CUBN: variants seen among roughly 807,000 people sequenced by gnomAD.
CUBN encodes 460 kDa receptor.
Under a neutral mutation model 405.3 loss-of-function variants are expected in CUBN, and 282 were observed. That is an observed-to-expected ratio of 0.70 (90% CI 0.63 to 0.77). The LOEUF is 0.77. Ranked by LOEUF, CUBN falls within the 30% of genes least tolerant of loss-of-function variation. The pLI, the probability that CUBN is intolerant of heterozygous loss-of-function variation, is 0.00. For synonymous variants in CUBN, 1,684 were observed against 1,617.0 expected (o/e 1.04, Z -0.99); for missense variants, 4,514 against 4,475.2 (o/e 1.01, Z -0.25).
Position 16,846,822 on chromosome 10 carries a change from AAAAG to A in CUBN, c.9663+4409_9663+4412del, listed in dbSNP as rs1479245293. On this transcript the variant is annotated intron_variant, in intron 60 of 66. Coordinates refer to ENST00000377833, the MANE Select transcript of CUBN (RefSeq NM_001081.4). The stretch of plus-strand genomic sequence containing the variant: ...ATAGAAACTCTGTCTCAAAAAAAAA[AAAAG>A]AAAAGAAAAAGAAAAAGAAAAGGGG... Among the ~76,000 whole-genome samples, 5 of 106,442 alleles carry A rather than the reference AAAAG, an allele frequency of 4.7e-5. No homozygotes were observed. The East Asian group carries it at 6.5e-4, about 14-fold the overall frequency. The allele number at this position is 106,442 out of a possible 152,430, so 69.8% of individuals were successfully genotyped here.
chr10:16,954,678 TA>T, intron 31 of CUBN, 130 bp from the exon 32 acceptor site: 1 of 1,003,612 alleles, frequency 1.0e-6, no homozygotes, highest in South Asian at 1.4e-5. Context: ...AAACTGGCTT[TA>T]TTGTCCTTTC....
intron 28 of CUBN, among the ~76,000 whole-genome samples, chr10:17,014,512 CTT>C (rs1298823355): frequency 6.6e-6 from 1 of 152,150 alleles, no homozygotes; most frequent in Non-Finnish European, 1.5e-5. Context: ...GTTTTAATGT[CTT>C]AGGGTGAGCA....
intron 47 of CUBN, among the ~76,000 whole-genome samples, chr10:16,914,416 G>C (rs143911347): frequency 6.6e-6 from 1 of 151,930 alleles, no homozygotes; most frequent in South Asian, 2.1e-4. Flanking sequence ...AAAATTAGCC[G>C]GGCGTCGTGG....
In CUBN at chr10:17,084,360, T is replaced by G. The variant is rs1323373786; in HGVS notation, c.2212A>C (p.Met738Leu). The change falls in exon 17 of 67, where the codon ATG becomes CTG. Residue 738 changes from methionine to leucine, a missense_variant. Met to Leu is a conservative substitution (Grantham distance 15). Transcript: ENST00000377833. ...ATTTGTTCTCCCTGGGGCTGCTTCA[T>G]CATATAGACGCATTGCCTGGTGTGA... ...FTHTRQCVYM[M>L]KQPQGEQIQI... 1 of 1,614,186 alleles carries G rather than the reference T, an allele frequency of 6.2e-7. No homozygotes were observed. Among genetic ancestry groups the G allele is most frequent in the East Asian group, 2.2e-5 (1 of 44,882 alleles).
rs1405382875 is a variant in CUBN at position 16,824,578 on chromosome 10, T to C, written c.*397A>G. On this transcript the variant is annotated 3_prime_UTR_variant, in exon 67 of 67. Coordinates refer to ENST00000377833, the MANE Select transcript of CUBN (RefSeq NM_001081.4). ...CCGTCTCGCCCAGGCTGGAGTGTAG[T>C]GGTGTGATCTTAGCTCACTGCAACC... 1 of 244,372 alleles carries C rather than the reference T, an allele frequency of 4.1e-6. No individual in the cohort carries two copies. The allele number at this position is 244,372 out of a possible 1,614,324, so 15.1% of individuals were successfully genotyped here. A position where few individuals can be genotyped will look rare whatever the true frequency, so the allele number is the denominator to read the frequency against.
chr10:16,941,980 C>A (rs573157146), intron 36 of CUBN, among the ~76,000 whole-genome samples: 24 of 152,058 alleles, frequency 1.6e-4, no homozygotes, highest in Middle Eastern at 3.4e-3. Context: ...AATGAAAAAA[C>A]AACCAAATTA....
chr10:17,079,630 G>C (rs567478104), intron 17 of CUBN, among the ~76,000 whole-genome samples: 1 of 152,148 alleles, frequency 6.6e-6, no homozygotes, highest in South Asian at 2.1e-4. Flanking sequence ...ATTTCAATAT[G>C]TACTTAACTG....
At chr10:17,039,224 C>A (rs1195801624) in intron 27 of CUBN, among the ~76,000 whole-genome samples, 1 of 152,170 alleles carries the variant, frequency 6.6e-6, no homozygotes, top group African/African-American at 2.4e-5. Flanking sequence ...GATCATGAGT[C>A]CTATTTTGGT....
In CUBN at chr10:16,918,784, G is replaced by T. The variant is rs771082417; in HGVS notation, c.6838C>A (p.Leu2280Ile). ...EVTPNCTSNY[L>I]ELRDGVDSDA... is the part of the protein sequence containing the mutation. ...GAATCCACTCCATCCCGCAACTCAAGGTAGTTGGAAGTACAGCTGAAGTGG... is the reference window on the plus strand; with the variant it reads ...GAATCCACTCCATCCCGCAACTCAATGTAGTTGGAAGTACAGCTGAAGTGG... The change falls in exon 45 of 67, where the codon CTT becomes ATT. Residue 2280 changes from leucine (L) to isoleucine (I), a missense_variant. Around this residue, in one of 5 missense-constraint regions of CUBN, gnomAD observed 1,613 missense variants for 1,542.8 expected, o/e 1.05. Coordinates refer to ENST00000377833, the MANE Select transcript of CUBN (RefSeq NM_001081.4). 33 of 1,613,556 alleles carry T rather than the reference G, an allele frequency of 2.0e-5. No homozygotes were observed. Among genetic ancestry groups the T allele is most frequent in the Non-Finnish European group, 2.6e-5 (31 of 1,179,778 alleles).
intron 28 of CUBN, among the ~76,000 whole-genome samples, chr10:17,007,150 G>A (rs989494630): frequency 3.3e-5 from 5 of 152,148 alleles, no homozygotes; most frequent in Admixed American, 6.5e-5. Flanking sequence ...CACAGCCTGC[G>A]GAAACTTCTG....
intron 17 of CUBN, among the ~76,000 whole-genome samples, chr10:17,074,744 G>T (rs911004489): frequency 6.6e-6 from 1 of 152,188 alleles, no homozygotes; most frequent in Non-Finnish European, 1.5e-5. Context: ...TTCAAGTACA[G>T]CTTGCCTAGG....
Position 16,984,150 on chromosome 10 carries a change from T to C in CUBN, c.4480A>G (p.Ile1494Val). 6.2e-7 allele frequency: 1 copy of C among 1,614,212 alleles called. No individual in the cohort carries two copies. The highest frequency in any genetic ancestry group is 8.5e-7 in the Non-Finnish European group (1 of 1,180,044). ...GACGCATTGAAGCCTCTCCCATTTA[T>C]GGACAAGTCGGTCTTGAATCGAATT... ...LAIRFKTDLS[I>V]NGRGFNASWQ... The change falls in exon 30 of 67, where the codon ATA (isoleucine) becomes GTA (valine). Residue 1494 changes from isoleucine (I) to valine (V), a missense_variant. Around this residue, in one of 5 missense-constraint regions of CUBN, gnomAD observed 1,613 missense variants for 1,542.8 expected, o/e 1.05. Transcript: ENST00000377833.
intron 48 of CUBN, among the ~76,000 whole-genome samples, chr10:16,909,695 T>C (rs1010890315): frequency 2.8e-4 from 42 of 152,210 alleles, no homozygotes; most frequent in Admixed American, 1.6e-3. Flanking sequence ...ATTTATCACA[T>C]GGACTTCTGC....
chr10:16,891,108 T>C lies in CUBN; in HGVS notation c.8599-581A>G, dbSNP rs12243677. On this transcript the variant is annotated intron_variant, in intron 54 of 66. Transcript: ENST00000377833. ...TCAGTGTGTGCTATTCACCAAAAAT[T>C]TGGTTGGCAACTCCCAAGTAGACCT... Among the ~76,000 whole-genome samples, 1,246 of 152,272 alleles carry C rather than the reference T, an allele frequency of 8.2e-3. 20 individuals carry two copies. Among genetic ancestry groups the C allele is most frequent in the African/African-American group, 0.028 (1,165 of 41,542 alleles).
chr10:17,068,965 G>T (rs1282012086), intron 19 of CUBN, among the ~76,000 whole-genome samples, 195 bp from the exon 20 acceptor site: 1 of 152,076 alleles, frequency 6.6e-6, no homozygotes, highest in Admixed American at 6.6e-5. Flanking sequence ...TGAAACCACA[G>T]CCCCAGGCAG....
chr10:16,994,166 A>C (rs936964823), intron 28 of CUBN, among the ~76,000 whole-genome samples: 3 of 152,216 alleles, frequency 2.0e-5, no homozygotes, highest in Admixed American at 2.0e-4. Context: ...AAGAGGTAAA[A>C]TAGCTTCCCA....
intron 14 of CUBN, among the ~76,000 whole-genome samples, chr10:17,089,986 C>A (rs1368659178): frequency 6.6e-6 from 1 of 151,884 alleles, no homozygotes; most frequent in African/African-American, 2.4e-5. Context: ...TATGGTGGTG[C>A]GTGTCTGTAG....
intron 28 of CUBN, among the ~76,000 whole-genome samples, chr10:17,017,549 C>T (rs1834364581): frequency 6.6e-6 from 1 of 152,124 alleles, no homozygotes; most frequent in Non-Finnish European, 1.5e-5. Flanking sequence ...AGAGTGATGC[C>T]TTTTGTCCTC....
intron 28 of CUBN, among the ~76,000 whole-genome samples, chr10:17,002,526 G>A (rs922695420): frequency 6.6e-6 from 1 of 152,076 alleles, no homozygotes; most frequent in Non-Finnish European, 1.5e-5. Flanking sequence ...TCAAACAGTG[G>A]CGACATGGGA....
Sources: allele counts gnomAD v4.1 joint callset (sites outside exome capture counted in the v4.1 genomes callset), GRCh38; gene constraint gnomAD v4.1.1; regional missense constraint gnomAD v4.1.1; transcripts MANE v1.5; gene names NCBI Gene and HGNC (gene_info 2026-07-23, HGNC 2026-07-21).